The following MAP3K7CL variants were observed in gnomAD, a reference collection of about 807,000 sequenced individuals.
MAP3K7CL encodes MAP3K7 C-terminal like.
In MAP3K7CL, 16 loss-of-function variants were observed where a neutral mutation model predicts 18.6. That is an observed-to-expected ratio of 0.86 (90% CI 0.58 to 1.31). The LOEUF (loss-of-function observed/expected upper bound fraction) is 1.31, where lower values mean the gene tolerates loss of function less well. Among genes scored for constraint, MAP3K7CL ranks in the 50% most tolerant of loss-of-function variants. The pLI is 0.00. For missense variants in MAP3K7CL, 163 were observed against 174.4 expected, an observed-to-expected ratio of 0.93 and a Z score of 0.37; for synonymous variants, 65 against 66.8, an observed-to-expected ratio of 0.97 and a Z score of 0.13.
chr21:29,092,746 G>C (rs2086051834), intron 4 of MAP3K7CL, among the ~76,000 whole-genome samples: 1 of 152,208 alleles, frequency 6.6e-6, no homozygotes, highest in South Asian at 2.1e-4. Context: ...ATCTCCTTCA[G>C]TCAATGTGCT....
At chr21:29,112,452 G>T (rs576109952) in intron 4 of MAP3K7CL, among the ~76,000 whole-genome samples, 1 of 151,646 alleles carries the variant, frequency 6.6e-6, no homozygotes, top group Non-Finnish European at 1.5e-5. Context: ...TATTAACCTA[G>T]GATTTTTTAA....
chr21:29,133,408 G>A lies in MAP3K7CL; in HGVS notation c.64G>A (p.Ala22Thr), dbSNP rs775736428. ...ACGCATCGCCTTTAGCCTCAATGACGCCTCAGGTATACTCTGCTCTGGAAG... is the reference window on the plus strand; with the variant it reads ...ACGCATCGCCTTTAGCCTCAATGACACCTCAGGTATACTCTGCTCTGGAAG... Reference protein sequence around the residue: ...PVRIAFSLNDASDDTPPEDSI... With the variant: ...PVRIAFSLNDTSDDTPPEDSI... The change falls in exon 2 of 5, where the codon GCC becomes ACC. Residue 22 changes from alanine (A) to threonine (T), a missense_variant. By Grantham distance (58) the Ala-to-Thr change is moderately conservative. Transcript: ENST00000399928. 30 of 1,546,550 alleles carry A rather than the reference G, an allele frequency of 1.9e-5. No individual in the cohort carries two copies. The highest frequency in any genetic ancestry group is 4.8e-5 in the South Asian group (4 of 83,570).
chr21:29,131,160 G>A (rs978534725), intron 1 of MAP3K7CL: 2 of 152,702 alleles, frequency 1.3e-5, no homozygotes, highest in South Asian at 4.1e-4. Flanking sequence ...TGAGCGGAGG[G>A]GAGGGACTCT....
chr21:29,114,591 A>G (rs543852656), intron 4 of MAP3K7CL, among the ~76,000 whole-genome samples: 10 of 152,004 alleles, frequency 6.6e-5, no homozygotes, highest in South Asian at 4.2e-4. Flanking sequence ...GGTTCTTGCT[A>G]TGTTGCCCAG....
intron 1 of MAP3K7CL, among the ~76,000 whole-genome samples, chr21:29,086,332 A>G (rs527316161): frequency 6.6e-6 from 1 of 152,312 alleles, no homozygotes; most frequent in African/African-American, 2.4e-5. Flanking sequence ...TGGCACATCT[A>G]TGTGAGTTCC....
intron 1 of MAP3K7CL, among the ~76,000 whole-genome samples, 157 bp from the exon 2 acceptor site, chr21:29,133,149 T>G (rs2086811076): frequency 6.6e-6 from 1 of 152,236 alleles, no homozygotes. Flanking sequence ...GGATGAATAC[T>G]TTTGACATAG....
chr21:29,124,561 A>C (rs1026642006), intron 4 of MAP3K7CL, among the ~76,000 whole-genome samples: 25 of 152,198 alleles, frequency 1.6e-4, no homozygotes, highest in Admixed American at 1.6e-3. Context: ...ATCTGGGGAA[A>C]CCCTGAGTTA....
At chr21:29,083,617 T>C (rs2085873714), upstream of MAP3K7CL, among the ~76,000 whole-genome samples, 1 of 152,182 alleles carries the variant, frequency 6.6e-6, no homozygotes, top group African/African-American at 2.4e-5. Context: ...TTTCTCTCTT[T>C]AACTGCTGGA....
intron 4 of MAP3K7CL, chr21:29,109,028 A>C: frequency 6.6e-7 from 1 of 1,515,964 alleles, no homozygotes; most frequent in Non-Finnish European, 8.8e-7. Context: ...AGAAAATTCT[A>C]CTTCCTACTA....
chr21:29,090,540 C>T lies in MAP3K7CL; in HGVS notation c.58-961C>T, dbSNP rs140424625. ...GGACTACAGGCACCCCTACCATGCCCGGCTAATTTTTTGTATTTTTAGTAG... is the reference window on the plus strand; with the variant it reads ...GGACTACAGGCACCCCTACCATGCCTGGCTAATTTTTTGTATTTTTAGTAG... On this transcript the variant is annotated intron_variant, in intron 1 of 6. Coordinates refer to the MAP3K7CL transcript ENST00000286791. Among the ~76,000 whole-genome samples the T allele has an allele frequency of 3.8e-4, 58 of 152,166 alleles. 1 individual carries two copies. The East Asian group carries it at 4.6e-3, about 12-fold the overall frequency.
chr21:29,162,844 A>C (rs2471948), intron 4 of MAP3K7CL, among the ~76,000 whole-genome samples: 1 of 152,034 alleles, frequency 6.6e-6, no homozygotes, highest in African/African-American at 2.4e-5. Context: ...AGAGGCTCAC[A>C]CCTGTAATCC....
At chr21:29,159,917 A>G (rs746237738) in intron 3 of MAP3K7CL, 24 bp from the exon 4 acceptor site, 2 of 1,568,972 alleles carry the variant, frequency 1.3e-6, no homozygotes, top group Non-Finnish European at 1.8e-6. Flanking sequence ...GAAATGGACT[A>G]ATTTCTTCTT....
chr21:29,160,951 C>T (rs1346655521), intron 4 of MAP3K7CL, among the ~76,000 whole-genome samples: 1 of 152,190 alleles, frequency 6.6e-6, no homozygotes, highest in Non-Finnish European at 1.5e-5. Context: ...TTATATATCA[C>T]GTGTCACCCT....
At chr21:29,129,734 T>G (rs894644368), upstream of MAP3K7CL, among the ~76,000 whole-genome samples, 1 of 152,250 alleles carries the variant, frequency 6.6e-6, no homozygotes, top group African/African-American at 2.4e-5. Context: ...AACTGTTTAC[T>G]AAAGTGGGAT....
intron 4 of MAP3K7CL, chr21:29,122,075 A>C (rs985008065): frequency 2.6e-5 from 4 of 152,354 alleles, no homozygotes; most frequent in Admixed American, 2.0e-4. Context: ...GTTTCTGGAA[A>C]GTGCTCCCTC....
intron 4 of MAP3K7CL, among the ~76,000 whole-genome samples, chr21:29,125,113 C>A (rs2086661161): frequency 6.6e-6 from 1 of 152,000 alleles, no homozygotes; most frequent in South Asian, 2.1e-4. Flanking sequence ...TGTTTTTGCC[C>A]CCTTGAAAAA....
At chr21:29,113,707 A>G (rs1005464177) in intron 4 of MAP3K7CL, among the ~76,000 whole-genome samples, 6 of 152,114 alleles carry the variant, frequency 3.9e-5, no homozygotes, top group African/African-American at 1.4e-4. Flanking sequence ...TATTTTTAGT[A>G]GAGATGGGGT....
At chr21:29,128,582 G>A (rs1383211037), upstream of MAP3K7CL, among the ~76,000 whole-genome samples, 3 of 152,160 alleles carry the variant, frequency 2.0e-5, no homozygotes, top group African/African-American at 2.4e-5. Context: ...GATTACAGGC[G>A]TGAGCCACCG....
At chr21:29,153,938 T>A (rs2087338503) in intron 3 of MAP3K7CL, among the ~76,000 whole-genome samples, 1 of 152,244 alleles carries the variant, frequency 6.6e-6, no homozygotes, top group Non-Finnish European at 1.5e-5. Flanking sequence ...AACGTGGTCT[T>A]AACTTCATTG....
Sources: allele counts gnomAD v4.1 joint callset (sites outside exome capture counted in the v4.1 genomes callset), GRCh38; gene constraint gnomAD v4.1.1; transcripts MANE v1.5; gene names NCBI Gene and HGNC (gene_info 2026-07-23, HGNC 2026-07-21).